The following AMZ1 variants were observed in gnomAD, a reference collection of about 807,000 sequenced individuals.
The protein encoded by AMZ1 is archaelysin family metallopeptidase 1, also known as archaemetzincin-1.
In AMZ1, 39 loss-of-function variants were observed where a neutral mutation model predicts 29.9. That is an observed-to-expected ratio of 1.30 (90% CI 1.01 to 1.70). AMZ1 has a LOEUF of 1.70. Ranked by LOEUF, AMZ1 falls within the 40% of genes most tolerant of loss-of-function variation. AMZ1 has a pLI of 0.00. For missense variants in AMZ1, 1,041 were observed against 680.6 expected, an observed-to-expected ratio of 1.53 and a Z score of -5.89; for synonymous variants, 458 against 304.0, an observed-to-expected ratio of 1.51 and a Z score of -5.27.
At chr7:2,758,897 C>T (rs915958870) in intron 4 of AMZ1, among the ~76,000 whole-genome samples, 8 of 152,094 alleles carry the variant, frequency 5.3e-5, no homozygotes, top group African/African-American at 7.2e-5. Context: ...ATAATCCCAG[C>T]GCTCTGGGAG....
At chr7:2,739,437 A>C (rs1326584101) in intron 4 of AMZ1, among the ~76,000 whole-genome samples, 4 of 152,190 alleles carry the variant, frequency 2.6e-5, no homozygotes, top group Non-Finnish European at 4.4e-5. Flanking sequence ...AGGCTCGCCC[A>C]TGCTGTGGCA....
intron 4 of AMZ1, chr7:2,730,777 G>A (rs976320344): frequency 2.4e-5 from 4 of 167,376 alleles, no homozygotes; most frequent in South Asian, 1.7e-4. Flanking sequence ...TAGAAAAGCC[G>A]TCTGCAAGGC....
intron 4 of AMZ1, among the ~76,000 whole-genome samples, chr7:2,742,401 G>C (rs1218027926): frequency 2.0e-5 from 3 of 152,046 alleles, no homozygotes; most frequent in Admixed American, 2.0e-4. Flanking sequence ...TGACAGTTTC[G>C]AGATGATTTT....
At chr7:2,739,289 T>G (rs1054213002) in intron 4 of AMZ1, among the ~76,000 whole-genome samples, 1 of 152,234 alleles carries the variant, frequency 6.6e-6, no homozygotes, top group East Asian at 1.9e-4. Context: ...CCACTCCCAC[T>G]GCCCTGGCCC....
downstream of AMZ1, among the ~76,000 whole-genome samples, chr7:2,721,298 A>G (rs1255820289): frequency 6.6e-6 from 1 of 152,154 alleles, no homozygotes; most frequent in Non-Finnish European, 1.5e-5. Flanking sequence ...CGCACCGCAG[A>G]TGTGTGGAAG....
Position 2,718,575 on chromosome 7 carries a change from G to C in AMZ1, c.*5697G>C, listed in dbSNP as rs543488455. Among the ~76,000 whole-genome samples the C allele has an allele frequency of 6.6e-6, 1 of 152,334 alleles. No individual in the cohort carries two copies. Among genetic ancestry groups the C allele is most frequent in the Middle Eastern group, 3.4e-3 (1 of 294 alleles). ...GACGAAGGTGATGAGCGCGGCTGAC[G>C]GCTCCCGGGGGCAGTGTGGGGTCCA... On this transcript the variant is annotated 3_prime_UTR_variant, in exon 7 of 7. Transcript: ENST00000683327.
At position 2,731,174 on chromosome 7, in the gene AMZ1, T is replaced by A. The variant is rs1789869965; in HGVS notation, n.550+21358T>A. 6.3e-7 allele frequency: 1 copy of A among 1,595,328 alleles called. No individual in the cohort carries two copies. The highest frequency in any genetic ancestry group is 1.1e-5 in the South Asian group (1 of 89,418). On this transcript the variant is annotated intron_variant and non_coding_transcript_variant, in intron 4 of 4. Coordinates refer to the AMZ1 transcript ENST00000489665. The surrounding 1 kb of genome is among the most constrained non-coding windows in gnomAD (Gnocchi z 6.0). ...CTCAACGACGACAAACCCCGGGGCT[T>A]CCTCGCTCACTGCAGCATGATGTCC...
intron 4 of AMZ1, among the ~76,000 whole-genome samples, chr7:2,757,928 A>G (rs1791380611): frequency 6.6e-6 from 1 of 152,254 alleles, no homozygotes; most frequent in Non-Finnish European, 1.5e-5. Context: ...CTGTCCCCAC[A>G]TCAGAATAGC....
rs1789315920 is a variant in AMZ1 at position 2,719,318 on chromosome 7, G to A, written c.*6440G>A. Among the ~76,000 whole-genome samples the A allele has an allele frequency of 6.6e-6, 1 of 152,234 alleles. No homozygotes were observed. On this transcript the variant is annotated 3_prime_UTR_variant, in exon 7 of 7. Coordinates refer to ENST00000683327, the MANE Select transcript of AMZ1 (RefSeq NM_001384743.1). Reference sequence around the variant, plus strand: ...GGGGCTCTTGATGGCATAACCTGATGTCTGTCACGGACCCCCAAGCAGGAG... The same window carrying A: ...GGGGCTCTTGATGGCATAACCTGATATCTGTCACGGACCCCCAAGCAGGAG...
downstream of AMZ1, among the ~76,000 whole-genome samples, chr7:2,721,167 C>A: frequency 6.6e-6 from 1 of 152,164 alleles, no homozygotes; most frequent in Admixed American, 6.5e-5. Context: ...AAGAGCAACC[C>A]AGGACGCCTG....
In AMZ1 at chr7:2,712,500, G is replaced by A. The variant is rs539017274; in HGVS notation, c.1119G>A (p.Gly373=). The A allele has an allele frequency of 6.4e-4, 1,030 of 1,609,298 alleles. 8 individuals are homozygous for A. In the South Asian group the frequency reaches 0.011, roughly 16 times the overall value. Reference sequence around the variant, plus strand: ...CGGAGCCCCTCACCCCTGATGCCGGGAGTCACACCTTCGCCTCGGGGCCAG... The same window carrying A: ...CGGAGCCCCTCACCCCTGATGCCGGAAGTCACACCTTCGCCTCGGGGCCAG... ...SVSEPLTPDA[G]SHTFASGPEE... Residue 373 remains glycine (G), a synonymous_variant, in exon 7 of 7, where the codon GGG becomes GGA. Transcript: ENST00000683327.
intron 4 of AMZ1, among the ~76,000 whole-genome samples, chr7:2,753,398 A>T (rs1312472900): frequency 1.3e-5 from 1 of 79,114 alleles, no homozygotes; most frequent in African/African-American, 4.2e-5. Flanking sequence ...CCATCCTCCC[A>T]AAGTGCTGGG....
chr7:2,752,679 T>C (rs1057046683), intron 4 of AMZ1, among the ~76,000 whole-genome samples: 4 of 152,208 alleles, frequency 2.6e-5, no homozygotes, highest in Admixed American at 6.5e-5. Flanking sequence ...AATCTAAACA[T>C]TGTAAAAGCA....
At chr7:2,727,006 T>C (rs926736510) in intron 4 of AMZ1, among the ~76,000 whole-genome samples, 3 of 152,234 alleles carry the variant, frequency 2.0e-5, no homozygotes, top group African/African-American at 7.2e-5. Flanking sequence ...CACATGCATG[T>C]GTTTAGGTGT....
rs1009427026 is a variant in AMZ1 at position 2,718,303 on chromosome 7, C to T, written c.*5425C>T. Among the ~76,000 whole-genome samples the T allele has an allele frequency of 6.6e-6, 1 of 152,194 alleles. No individual in the cohort carries two copies. Among genetic ancestry groups the T allele is most frequent in the Non-Finnish European group, 1.5e-5 (1 of 68,036 alleles). On this transcript the variant is annotated 3_prime_UTR_variant, in exon 7 of 7. Transcript: ENST00000683327. ...TTCTCTCTCAGGCAGGGTGCTCTGCCCGCCACAGTGTGCCTGGTTTTCTGG... is the reference window on the plus strand; with the variant it reads ...TTCTCTCTCAGGCAGGGTGCTCTGCTCGCCACAGTGTGCCTGGTTTTCTGG...
chr7:2,680,691 C>G (rs960312422), intron 1 of AMZ1, among the ~76,000 whole-genome samples: 2 of 152,242 alleles, frequency 1.3e-5, no homozygotes, highest in Non-Finnish European at 2.9e-5. Context: ...AGCCGCTGGG[C>G]CGTGGGTTCA....
At chr7:2,685,351 A>T (rs534259259), upstream of AMZ1, among the ~76,000 whole-genome samples, 2 of 151,530 alleles carry the variant, frequency 1.3e-5, no homozygotes, top group Admixed American at 6.6e-5. Context: ...TGAAGTCAGG[A>T]GTTCGAGACC....
chr7:2,690,609 G>A (rs1179978019), intron 1 of AMZ1, among the ~76,000 whole-genome samples: 1 of 152,122 alleles, frequency 6.6e-6, no homozygotes, highest in Non-Finnish European at 1.5e-5. Context: ...GGTTTCCGAT[G>A]TAGATGCTCT....
rs138909674 is a variant in AMZ1, at chr7:2,691,967, G to A, written c.-219+3671G>A. ...GAACAAATAATTCTGAGCTGGCTGC[G>A]GCGCTAGGGGAATGATTTGGAGGTA... On this transcript the variant is annotated intron_variant, in intron 1 of 6. Coordinates refer to ENST00000683327, the MANE Select transcript of AMZ1 (RefSeq NM_001384743.1). 3.1e-3 allele frequency among the ~76,000 whole-genome samples: 468 copies of A among 152,284 alleles called. 1 individual carries two copies. The highest frequency in any genetic ancestry group is 1.0e-2 in the African/African-American group (415 of 41,556).
Sources: allele counts gnomAD v4.1 joint callset (sites outside exome capture counted in the v4.1 genomes callset), GRCh38; gene constraint gnomAD v4.1.1; non-coding constraint Gnocchi (gnomAD v3.1); transcripts MANE v1.5; gene names NCBI Gene and HGNC (gene_info 2026-07-23, HGNC 2026-07-21).